The following GLB1 variants were observed in gnomAD, a reference collection of about 807,000 sequenced individuals.
The protein encoded by GLB1 is galactosidase beta 1, also known as beta-galactosidase.
GLB1 carries 56 observed loss-of-function variants against 74.0 expected under a neutral mutation model. The observed-to-expected ratio is 0.76, with a 90% CI of 0.61 to 0.94. The LOEUF (loss-of-function observed/expected upper bound fraction) is 0.94. Among genes scored for constraint, GLB1 ranks in the 40% least tolerant of loss-of-function variants. GLB1 has a pLI of 0.00. For synonymous variants in GLB1, 323 were observed against 323.6 expected, an observed-to-expected ratio of 1.00 and a Z score of 0.02; for missense variants, 787 against 845.5, an observed-to-expected ratio of 0.93 and a Z score of 0.86.
At chr3:33,075,214 A>G (rs1330620562) in intron 1 of GLB1, among the ~76,000 whole-genome samples, 1 of 152,220 alleles carries the variant, frequency 6.6e-6, no homozygotes, top group Non-Finnish European at 1.5e-5. Context: ...AAGTTTCCTA[A>G]GTTCAAAGGT....
chr3:33,011,687 C>G (rs1482152681), intron 15 of GLB1, among the ~76,000 whole-genome samples: 1 of 146,274 alleles, frequency 6.8e-6, no homozygotes, highest in Non-Finnish European at 1.5e-5. Context: ...AATGAAAATA[C>G]ATTTCAATAA....
At chr3:33,085,274 CAAAAA>C (rs772490092) in intron 1 of GLB1, among the ~76,000 whole-genome samples, 4 of 74,132 alleles carry the variant, frequency 5.4e-5, no homozygotes, top group African/African-American at 1.0e-4. Context: ...GAGTCTGTTT[CAAAAA>C]AAAAAAAAAA....
At chr3:33,067,894 T>C (rs1370536677) in intron 4 of GLB1, among the ~76,000 whole-genome samples, 1 of 152,180 alleles carries the variant, frequency 6.6e-6, no homozygotes, top group Non-Finnish European at 1.5e-5. Context: ...TTTGTTTGTT[T>C]GTTTGTTTTG....
At chr3:33,095,384 G>A (rs2125588874) in intron 1 of GLB1, among the ~76,000 whole-genome samples, 1 of 152,046 alleles carries the variant, frequency 6.6e-6, no homozygotes, top group Non-Finnish European at 1.5e-5. Context: ...AAATTAGTCG[G>A]GTGTGATGGC....
At chr3:32,984,398 G>A in the GLB1 span, among the ~76,000 whole-genome samples, 1 of 152,070 alleles carries the variant, frequency 6.6e-6, no homozygotes, top group Non-Finnish European at 1.5e-5. Flanking sequence ...GCTTAATGTG[G>A]GTCAGTTTCC....
intron 14 of GLB1, 36 bp from the exon 15 acceptor site, chr3:33,014,346 G>A: frequency 1.2e-6 from 2 of 1,608,826 alleles, no homozygotes; most frequent in Non-Finnish European, 1.7e-6. Context: ...GAGCTGGGGA[G>A]GGAAGGAAAA....
At chr3:33,044,975 G>T (rs1365492317) in intron 10 of GLB1, among the ~76,000 whole-genome samples, 5 of 152,166 alleles carry the variant, frequency 3.3e-5, no homozygotes, top group Non-Finnish European at 7.4e-5. Context: ...ATAGAAAAAT[G>T]AAGCTTCACT....
At chr3:32,976,425 C>T in the GLB1 span, among the ~76,000 whole-genome samples, 6 of 152,186 alleles carry the variant, frequency 3.9e-5, no homozygotes, top group Non-Finnish European at 7.3e-5. Context: ...CAGACACAAC[C>T]CACACTGTGT....
intron 13 of GLB1, among the ~76,000 whole-genome samples, 143 bp downstream of exon 13, chr3:33,018,285 CAAAAAAAAAAAAAAAAAAAA>C (rs57833238): frequency 4.1e-4 from 17 of 41,970 alleles, no homozygotes; most frequent in African/African-American, 1.7e-3. Flanking sequence ...AACCCTGTCT[CAAAAAAAAAAAAAAAAAAAA>C]AAAAAAAAAA....
chr3:32,964,247 T>C, the GLB1 span, among the ~76,000 whole-genome samples: 1 of 152,194 alleles, frequency 6.6e-6, no homozygotes, highest in African/African-American at 2.4e-5. Flanking sequence ...CTCCTAATTG[T>C]TTTGATGTCA....
the GLB1 span, among the ~76,000 whole-genome samples, chr3:32,976,013 A>G: frequency 6.6e-6 from 1 of 152,178 alleles, no homozygotes; most frequent in Non-Finnish European, 1.5e-5. Flanking sequence ...GCAGGGGCTT[A>G]ATCTCAGTCA....
chr3:32,990,557 A>G, the GLB1 span, among the ~76,000 whole-genome samples: 2 of 152,206 alleles, frequency 1.3e-5, no homozygotes, highest in Middle Eastern at 3.2e-3. Context: ...CCATCACACT[A>G]GAAGGGATAC....
rs889215518 is a variant in GLB1, at chr3:33,053,349, G to A, written c.792+142C>T. 2.6e-6 allele frequency: 3 copies of A among 1,172,986 alleles called. No homozygotes were observed. In the African/African-American group the frequency reaches 4.5e-5, roughly 18 times the overall value. 72.7% of individuals were successfully genotyped at this position (1,172,986 alleles called of 1,614,324 possible). On this transcript the variant is annotated intron_variant, in intron 7 of 15. Coordinates refer to ENST00000307363, the MANE Select transcript of GLB1 (RefSeq NM_000404.4). ...ACATTGTTTCTGCTGTCATTCACAT[G>A]TCCAGAATGGCTATGACTCCACAAT...
intron 7 of GLB1, among the ~76,000 whole-genome samples, chr3:33,053,053 A>G (rs1463404245): frequency 6.6e-6 from 1 of 152,230 alleles, no homozygotes; most frequent in African/African-American, 2.4e-5. Flanking sequence ...AGACGGGAAG[A>G]ACGGAGAGAG....
intron 13 of GLB1, 35 bp downstream of exon 13, chr3:33,018,413 T>A: frequency 6.3e-7 from 1 of 1,586,534 alleles, no homozygotes; most frequent in Non-Finnish European, 8.6e-7. Flanking sequence ...CCACCCTCAC[T>A]GGGACAAAAC....
chr3:33,084,588 C>T (rs1700436729), intron 1 of GLB1, among the ~76,000 whole-genome samples: 1 of 152,130 alleles, frequency 6.6e-6, no homozygotes, highest in Non-Finnish European at 1.5e-5. Context: ...ATAAAGAAGG[C>T]AAATCGCAAT....
intron 14 of GLB1, 53 bp downstream of exon 14, chr3:33,016,656 C>T (rs1697247026): frequency 6.2e-7 from 1 of 1,609,498 alleles, no homozygotes; most frequent in Middle Eastern, 1.7e-4. Context: ...TGGGCTTCAA[C>T]TTCTAAGTTG....
Position 32,996,754 on chromosome 3 carries a change from A to G in GLB1, c.*291T>C. On this transcript the variant is annotated 3_prime_UTR_variant, in exon 16 of 16. Coordinates refer to ENST00000307363, the MANE Select transcript of GLB1 (RefSeq NM_000404.4). ...CATTTGAGTACAAATTTTATTTAAC[A>G]AAAAGGTAACATGATTCTTCCAAAA... The G allele has an allele frequency of 2.3e-6, 1 of 425,606 alleles. No individual in the cohort carries two copies. The highest frequency in any genetic ancestry group is 4.3e-6 in the Non-Finnish European group (1 of 231,722). The allele number at this position is 425,606 out of a possible 1,614,324, so 26.4% of individuals were successfully genotyped here. A position where few individuals can be genotyped will look rare whatever the true frequency, so the allele number is the denominator to read the frequency against.
chr3:32,979,358 C>A, the GLB1 span, among the ~76,000 whole-genome samples: 1 of 152,070 alleles, frequency 6.6e-6, no homozygotes, highest in African/African-American at 2.4e-5. Context: ...CACTTTTCAT[C>A]CCTGAGTTTA....
Sources: allele counts gnomAD v4.1 joint callset (sites outside exome capture counted in the v4.1 genomes callset), GRCh38; gene constraint gnomAD v4.1.1; transcripts MANE v1.5; gene names NCBI Gene and HGNC (gene_info 2026-07-23, HGNC 2026-07-21).